NRXN3: variants seen among roughly 807,000 people sequenced by gnomAD.
NRXN3 encodes the protein neurexin 3.
A neutral mutation model predicts 137.6 loss-of-function variants in NRXN3; 32 were observed. That is an observed-to-expected ratio of 0.23 (90% CI 0.18 to 0.31). The LOEUF (loss-of-function observed/expected upper bound fraction) is 0.31, where lower values mean the gene tolerates loss of function less well. Ranked by LOEUF, NRXN3 falls within the 10% of genes least tolerant of loss-of-function variation. The probability of loss-of-function intolerance (pLI) is 1.00; values close to 1 mark genes in which losing one functional copy is unlikely to be tolerated. For missense variants in NRXN3, 1,574 were observed against 2,062.5 expected, an observed-to-expected ratio of 0.76 and a Z score of 4.59; for synonymous variants, 798 against 784.5, an observed-to-expected ratio of 1.02 and a Z score of -0.29.
intron 15 of NRXN3, among the ~76,000 whole-genome samples, chr14:79,188,279 A>G (rs185266309): frequency 6.6e-6 from 1 of 152,264 alleles, no homozygotes. Context: ...ATTAAGAAGT[A>G]TTTCCAAGTC....
intron 15 of NRXN3, among the ~76,000 whole-genome samples, chr14:79,164,068 C>G (rs938915147): frequency 4.0e-4 from 61 of 151,838 alleles, no homozygotes; most frequent in African/African-American, 1.3e-3. Context: ...CTTCACTTAC[C>G]AATTTGTTTC....
chr14:79,267,977 C>G (rs1052295144), intron 15 of NRXN3, among the ~76,000 whole-genome samples: 1 of 152,178 alleles, frequency 6.6e-6, no homozygotes, highest in African/African-American at 2.4e-5. Flanking sequence ...TATTTCTGGA[C>G]TGTTAGTTAT....
chr14:79,720,027 G>T (rs2098838664), intron 19 of NRXN3, among the ~76,000 whole-genome samples: 1 of 151,958 alleles, frequency 6.6e-6, no homozygotes, highest in Non-Finnish European at 1.5e-5. Context: ...TAACATCCCT[G>T]GGGAGTGTAT....
chr14:79,674,677 A>G (rs2098631091), intron 17 of NRXN3, among the ~76,000 whole-genome samples: 3 of 152,114 alleles, frequency 2.0e-5, no homozygotes, highest in African/African-American at 7.2e-5. Context: ...ACAAATTCAC[A>G]TGCAAATGTA....
intron 15 of NRXN3, among the ~76,000 whole-genome samples, chr14:79,063,525 G>A (rs2099676844): frequency 6.6e-6 from 1 of 152,102 alleles, no homozygotes. Flanking sequence ...CTCAGGTGAT[G>A]TACCTGCCTT....
intron 16 of NRXN3, among the ~76,000 whole-genome samples, chr14:79,565,327 A>ATATACATATACACACACATGTGTGTGTG (rs2097540414): frequency 7.2e-6 from 1 of 137,962 alleles, no homozygotes; most frequent in African/African-American, 2.9e-5. Context: ...ATGTGTGTGT[A>ATATACATATACACACACATGTGTGTGTG]TATATATATA....
intron 10 of NRXN3, among the ~76,000 whole-genome samples, chr14:78,911,281 G>C (rs1422406914): frequency 6.6e-6 from 1 of 152,178 alleles, no homozygotes; most frequent in Non-Finnish European, 1.5e-5. Context: ...GTTGGGATTT[G>C]AACCCAGGCC....
At chr14:78,967,442 A>C (rs1336360234) in intron 13 of NRXN3, 44 bp downstream of exon 13, 2 of 1,411,158 alleles carry the variant, frequency 1.4e-6, no homozygotes, top group African/African-American at 2.8e-5. Flanking sequence ...AGCTTTTCTT[A>C]CAATAGATAG....
intron 15 of NRXN3, among the ~76,000 whole-genome samples, chr14:79,286,784 A>C (rs2082343337): frequency 6.6e-6 from 1 of 152,054 alleles, no homozygotes; most frequent in African/African-American, 2.4e-5. Flanking sequence ...TGGTTCTAAG[A>C]AACTTTGTCT....
chr14:79,850,073 C>T (rs1032041951), intron 20 of NRXN3, among the ~76,000 whole-genome samples: 1 of 152,182 alleles, frequency 6.6e-6, no homozygotes, highest in African/African-American at 2.4e-5. Flanking sequence ...AAAATCAAAT[C>T]TATGAAAATG....
intron 8 of NRXN3, among the ~76,000 whole-genome samples, chr14:78,748,575 G>T (rs73317976): frequency 0.011 from 1,666 of 152,220 alleles, 26 homozygotes; most frequent in African/African-American, 0.038. Context: ...TGGGACAGGA[G>T]GCAGGCAGCA....
At chr14:79,101,298 G>A (rs772824716) in intron 15 of NRXN3, among the ~76,000 whole-genome samples, 2 of 152,190 alleles carry the variant, frequency 1.3e-5, no homozygotes, top group African/African-American at 2.4e-5. Context: ...CCATTTATGT[G>A]TAAGAATTGC....
chr14:78,916,377 A>C (rs766524375), intron 10 of NRXN3, among the ~76,000 whole-genome samples: 6 of 152,312 alleles, frequency 3.9e-5, no homozygotes, highest in Middle Eastern at 3.4e-3. Context: ...CAGTTAATGC[A>C]GAGTTTTGGT....
chr14:78,420,902 C>T (rs1351192193), intron 4 of NRXN3, among the ~76,000 whole-genome samples: 1 of 152,126 alleles, frequency 6.6e-6, no homozygotes, highest in Admixed American at 6.5e-5. Flanking sequence ...CACCTGTTAC[C>T]TCCATGGGGC....
intron 4 of NRXN3, among the ~76,000 whole-genome samples, chr14:78,625,654 G>A (rs556780498): frequency 1.3e-5 from 2 of 152,302 alleles, no homozygotes; most frequent in South Asian, 2.1e-4. Flanking sequence ...GGAGGACACA[G>A]GTTATATCCT....
At chr14:79,050,760 G>A (rs994413563) in intron 15 of NRXN3, among the ~76,000 whole-genome samples, 2 of 152,188 alleles carry the variant, frequency 1.3e-5, no homozygotes, top group African/African-American at 4.8e-5. Flanking sequence ...CCGGCCTCAA[G>A]CCCCTGCCTC....
intron 15 of NRXN3, among the ~76,000 whole-genome samples, chr14:79,081,615 CAA>C (rs34854400): frequency 0.027 from 2,931 of 110,282 alleles, 58 homozygotes; most frequent in African/African-American, 0.07. Context: ...GACTTTATCT[CAA>C]AAAAAAAAAA....
At chr14:79,690,093 A>G (rs867045119) in intron 17 of NRXN3, among the ~76,000 whole-genome samples, 2 of 152,182 alleles carry the variant, frequency 1.3e-5, no homozygotes, top group South Asian at 4.1e-4. Context: ...GCGCAAGCCA[A>G]TTACCTTTTC....
chr14:79,586,721 G>A (rs2097767754), intron 16 of NRXN3, among the ~76,000 whole-genome samples: 1 of 152,186 alleles, frequency 6.6e-6, no homozygotes, highest in African/African-American at 2.4e-5. Context: ...ACATTTAAGA[G>A]CCACTTTGAC....
Sources: allele counts gnomAD v4.1 joint callset (sites outside exome capture counted in the v4.1 genomes callset), GRCh38; gene constraint gnomAD v4.1.1; transcripts MANE v1.5; gene names NCBI Gene and HGNC (gene_info 2026-07-23, HGNC 2026-07-21).